The following PARD3B variants were observed in gnomAD, a reference collection of about 807,000 sequenced individuals.
PARD3B encodes the protein partitioning defective 3 homolog B.
Under a neutral mutation model 130.2 loss-of-function variants are expected in PARD3B, and 103 were observed. The ratio of observed to expected loss-of-function variants is 0.79; its 90% CI spans 0.67 to 0.93. The LOEUF is 0.93. Ranked by LOEUF, PARD3B falls within the 40% of genes least tolerant of loss-of-function variation. PARD3B has a pLI of 0.00. For missense variants in PARD3B, 1,609 were observed against 1,499.2 expected (o/e 1.07, Z -1.21); for synonymous variants, 583 against 553.2 (o/e 1.05, Z -0.76).
chr2:205,375,549 G>A (rs960913494), intron 18 of PARD3B, among the ~76,000 whole-genome samples: 1 of 152,140 alleles, frequency 6.6e-6, no homozygotes, highest in East Asian at 1.9e-4. Flanking sequence ...GTGGAAAAGG[G>A]ACTAGAGTAG....
rs550976862 is a variant in PARD3B, at chr2:205,044,139, T to C, written c.395-3442T>C. Among the ~76,000 whole-genome samples the C allele has an allele frequency of 4.0e-4, 61 of 152,036 alleles. 2 individuals are homozygous for C. In the East Asian group the frequency reaches 0.011, roughly 28 times the overall value. On this transcript the variant is annotated intron_variant, in intron 3 of 22. Transcript: ENST00000406610. ...TGTCCCTACAAAGGACATGAACTCA[T>C]CATTTTTATGGCTGCATAGTATTCC...
At chr2:204,869,581 CAA>C (rs1404950520) in intron 2 of PARD3B, among the ~76,000 whole-genome samples, 2 of 152,032 alleles carry the variant, frequency 1.3e-5, no homozygotes, top group Non-Finnish European at 2.9e-5. Flanking sequence ...CCTAAGGAAA[CAA>C]AATATTTCAA....
intron 1 of PARD3B, among the ~76,000 whole-genome samples, chr2:204,591,492 AAG>A: frequency 6.6e-6 from 1 of 152,340 alleles, no homozygotes. Flanking sequence ...CAGTGATTAT[AAG>A]TGTCTCTTTC....
Position 205,458,607 on chromosome 2 carries a change from A to G in PARD3B, c.3044+17935A>G, listed in dbSNP as rs2048349606. On this transcript the variant is annotated intron_variant, in intron 20 of 22. Coordinates refer to ENST00000406610, the MANE Select transcript of PARD3B (RefSeq NM_001302769.2). This position sits in a 1 kb window ranked among gnomAD's most constrained non-coding sequence, Gnocchi z 4.8. ...CTCTGATGAAATTCTCCATCATATT[A>G]TCTTTTTTCTTGAATAAATTAATTG... Among the ~76,000 whole-genome samples the G allele has an allele frequency of 6.6e-6, 1 of 152,144 alleles. No individual in the cohort carries two copies. The highest frequency in any genetic ancestry group is 1.5e-5 in the Non-Finnish European group (1 of 68,020).
intron 2 of PARD3B, among the ~76,000 whole-genome samples, chr2:204,873,747 G>A (rs1287180599): frequency 6.6e-6 from 1 of 152,152 alleles, no homozygotes; most frequent in Non-Finnish European, 1.5e-5. Flanking sequence ...CTGAGTCCAC[G>A]TAATGATTCT....
At chr2:204,591,045 G>A (rs1456281349) in intron 1 of PARD3B, among the ~76,000 whole-genome samples, 1 of 152,120 alleles carries the variant, frequency 6.6e-6, no homozygotes, top group Non-Finnish European at 1.5e-5. Context: ...TTAATAATAA[G>A]CACAGGTTGA....
intron 2 of PARD3B, among the ~76,000 whole-genome samples, chr2:204,855,754 T>C (rs1187435283): frequency 6.6e-6 from 1 of 151,984 alleles, no homozygotes; most frequent in Non-Finnish European, 1.5e-5. Context: ...ACTCTCTGCT[T>C]CTGTGAGATT....
intron 1 of PARD3B, among the ~76,000 whole-genome samples, chr2:204,655,042 A>T (rs1438468920): frequency 6.6e-6 from 1 of 152,150 alleles, no homozygotes; most frequent in Non-Finnish European, 1.5e-5. Context: ...TGTTGCTTTA[A>T]GTCTTGGTTG....
At chr2:204,928,188 C>T (rs1240749852) in intron 2 of PARD3B, among the ~76,000 whole-genome samples, 3 of 152,042 alleles carry the variant, frequency 2.0e-5, no homozygotes, top group Non-Finnish European at 4.4e-5. Context: ...TTGGCTGGGA[C>T]AATTGGACTC....
chr2:204,990,530 C>T (rs532609413), intron 3 of PARD3B, among the ~76,000 whole-genome samples: 60 of 152,004 alleles, frequency 3.9e-4, no homozygotes, highest in Non-Finnish European at 7.4e-4. Flanking sequence ...TTTCTTTCTC[C>T]CTCCCACTTT....
At chr2:205,418,323 C>G (rs758189430) in intron 19 of PARD3B, among the ~76,000 whole-genome samples, 14 of 152,116 alleles carry the variant, frequency 9.2e-5, no homozygotes, top group Admixed American at 2.0e-4. Context: ...GGCCTGAACT[C>G]TTCAATAATT....
Position 205,229,339 on chromosome 2 carries a change from C to A in PARD3B, c.2141-16439C>A, listed in dbSNP as rs1001833305. On this transcript the variant is annotated intron_variant, in intron 15 of 22. Transcript: ENST00000406610. This position sits in a 1 kb window ranked among gnomAD's most constrained non-coding sequence, Gnocchi z 5.2. Reference sequence around the variant, plus strand: ...AGTGTTGTGACCTTAATCTTCGGCCCCTGCAACCATAACTGCATTAGGGGG... The same window carrying A: ...AGTGTTGTGACCTTAATCTTCGGCCACTGCAACCATAACTGCATTAGGGGG... 3.9e-5 allele frequency among the ~76,000 whole-genome samples: 6 copies of A among 152,192 alleles called. No homozygotes were observed. The highest frequency in any genetic ancestry group is 8.8e-5 in the Non-Finnish European group (6 of 68,036).
rs150196123 is a variant in PARD3B at position 205,044,670 on chromosome 2, T to G, written c.395-2911T>G. On this transcript the variant is annotated intron_variant, in intron 3 of 22. Transcript: ENST00000406610. ...ATGGGGTTGTTTTTTTCTTGTAAAT[T>G]TGTTTGAGTTCATCATAGAGTCTGG... Among the ~76,000 whole-genome samples, 407 of 152,296 alleles carry G rather than the reference T, an allele frequency of 2.7e-3. 1 individual carries two copies. Among genetic ancestry groups the G allele is most frequent in the African/African-American group, 9.4e-3 (390 of 41,550 alleles).
At chr2:204,873,710 G>C (rs974693429) in intron 2 of PARD3B, among the ~76,000 whole-genome samples, 2 of 152,214 alleles carry the variant, frequency 1.3e-5, no homozygotes, top group Non-Finnish European at 2.9e-5. Flanking sequence ...AGGTTGATCA[G>C]GGAATGTCTG....
At position 204,823,377 on chromosome 2, in the gene PARD3B, A is replaced by G. The variant is rs1227090585; in HGVS notation, c.222+137095A>G. 2.6e-5 allele frequency among the ~76,000 whole-genome samples: 4 copies of G among 151,928 alleles called. No homozygotes were observed. The East Asian group carries it at 7.7e-4, about 29-fold the overall frequency. ...TAAAATAATGCTCTCATTTTCAATA[A>G]AATAATATATATTATTTTATTAAAA... On this transcript the variant is annotated intron_variant, in intron 2 of 22. Transcript: ENST00000406610.
intron 1 of PARD3B, among the ~76,000 whole-genome samples, chr2:204,617,093 A>T (rs561933699): frequency 6.6e-6 from 1 of 152,250 alleles, no homozygotes; most frequent in South Asian, 2.1e-4. Context: ...CAAATGTTCC[A>T]TCTCCCTTCC....
At chr2:205,204,973 T>A (rs1232740973) in intron 15 of PARD3B, among the ~76,000 whole-genome samples, 2 of 152,250 alleles carry the variant, frequency 1.3e-5, no homozygotes, top group Middle Eastern at 3.4e-3. Context: ...TAGCTTTTCC[T>A]AATTCTGTGA....
In PARD3B at chr2:205,440,646, A is replaced by T; in HGVS notation, c.3018A>T (p.Pro1006=). The change falls in exon 20 of 23, where the codon CCA becomes CCT. Residue 1006 remains proline, a synonymous_variant. Transcript: ENST00000406610. This position sits in a 1 kb window ranked among gnomAD's most constrained non-coding sequence, Gnocchi z 4.2. ...LEGLYAKVNK[P]YHPLVPADSG... ...GTCTCTATGCCAAGGTCAACAAGCCATACCATCCACTGGTTCCAGCTGACA... is the reference window on the plus strand; with the variant it reads ...GTCTCTATGCCAAGGTCAACAAGCCTTACCATCCACTGGTTCCAGCTGACA... 1 of 1,613,832 alleles carries T rather than the reference A, an allele frequency of 6.2e-7. No individual in the cohort carries two copies. The highest frequency in any genetic ancestry group is 8.5e-7 in the Non-Finnish European group (1 of 1,179,738).
At chr2:204,800,027 C>T (rs753029810) in intron 2 of PARD3B, among the ~76,000 whole-genome samples, 2 of 152,118 alleles carry the variant, frequency 1.3e-5, no homozygotes, top group African/African-American at 2.4e-5. Context: ...TCTCACCAAA[C>T]AAATAAAGTA....
Sources: allele counts gnomAD v4.1 joint callset (sites outside exome capture counted in the v4.1 genomes callset), GRCh38; gene constraint gnomAD v4.1.1; non-coding constraint Gnocchi (gnomAD v3.1); transcripts MANE v1.5; gene names NCBI Gene and HGNC (gene_info 2026-07-23, HGNC 2026-07-21).